Variants in STAB2 observed in about 807,000 individuals in gnomAD.
STAB2 encodes stabilin 2.
Under a neutral mutation model 338.1 loss-of-function variants are expected in STAB2, and 288 were observed. The ratio of observed to expected loss-of-function variants is 0.85; its 90% CI spans 0.77 to 0.94. The LOEUF (loss-of-function observed/expected upper bound fraction) is 0.94, where lower values mean the gene tolerates loss of function less well. Among genes scored for constraint, STAB2 ranks in the 40% least tolerant of loss-of-function variants. STAB2 has a pLI of 0.00. For missense variants in STAB2, 3,141 were observed against 3,210.1 expected (o/e 0.98, Z 0.52); for synonymous variants, 1,202 against 1,193.3 (o/e 1.01, Z -0.15).
chr12:103,647,262 C>T (rs772740652), intron 9 of STAB2, among the ~76,000 whole-genome samples: 23 of 152,184 alleles, frequency 1.5e-4, no homozygotes, highest in Middle Eastern at 3.4e-3. Context: ...AGGTCTGCAG[C>T]AAACTTGTTG....
At chr12:103,678,396 C>A (rs1371090545) in intron 25 of STAB2, among the ~76,000 whole-genome samples, 1 of 152,208 alleles carries the variant, frequency 6.6e-6, no homozygotes, top group East Asian at 1.9e-4. Context: ...GGTTCTCAGA[C>A]CTCTCATTTC....
At chr12:103,761,168 C>T (rs1015505399) in intron 65 of STAB2, 132 bp from the exon 66 acceptor site, 1 of 740,016 alleles carries the variant, frequency 1.4e-6, no homozygotes, top group African/African-American at 1.7e-5. Context: ...AGGAGAAGTC[C>T]TGGGCTGCCT....
chr12:103,594,587 C>G (rs1027273323), intron 3 of STAB2, 77 bp downstream of exon 3: 4 of 1,134,738 alleles, frequency 3.5e-6, no homozygotes, highest in Non-Finnish European at 5.3e-6. Context: ...TGAAGGAAGC[C>G]CAATAAAAAG....
intron 47 of STAB2, among the ~76,000 whole-genome samples, chr12:103,728,380 G>T (rs1287262531): frequency 2.6e-5 from 4 of 152,150 alleles, no homozygotes; most frequent in African/African-American, 9.7e-5. Flanking sequence ...AGAGTGCTGG[G>T]ATTACAGGCA....
In STAB2 at chr12:103,685,050, G is replaced by C. The variant is rs769347288; in HGVS notation, c.2963G>C (p.Gly988Ala). 4 of 1,614,028 alleles carry C rather than the reference G, an allele frequency of 2.5e-6. No homozygotes were observed. In the East Asian group the frequency reaches 6.7e-5, roughly 27 times the overall value. ...WSCVCQEGYE[G>A]DGFLCYGNAA... ...TGTGTTTGTCAAGAGGGCTATGAAG[G>C]AGATGGCTTTCTGTGCTATGGAAAC... The change falls in exon 27 of 69, where the codon GGA becomes GCA. Residue 988 changes from glycine to alanine, a missense_variant. Coordinates refer to ENST00000388887, the MANE Select transcript of STAB2 (RefSeq NM_017564.10).
chr12:103,719,295 C>T (rs749163086), intron 44 of STAB2, among the ~76,000 whole-genome samples: 50 of 152,272 alleles, frequency 3.3e-4, no homozygotes, highest in Non-Finnish European at 5.1e-4. Context: ...ATCATTCTTT[C>T]GTTTAATTTC....
chr12:103,663,602 C>A (rs986211824), intron 18 of STAB2, among the ~76,000 whole-genome samples: 1 of 152,170 alleles, frequency 6.6e-6, no homozygotes, highest in Non-Finnish European at 1.5e-5. Context: ...CTCATCTCGG[C>A]CTCCCAAAGT....
rs756366330 is a variant in STAB2 at position 103,590,877 on chromosome 12, T to G, written c.82-20T>G. 1 of 1,613,898 alleles carries G rather than the reference T, an allele frequency of 6.2e-7. No individual in the cohort carries two copies. The highest frequency in any genetic ancestry group is 8.5e-7 in the Non-Finnish European group (1 of 1,179,930). On this transcript the variant is annotated intron_variant, in intron 1 of 68. Coordinates refer to ENST00000388887, the MANE Select transcript of STAB2 (RefSeq NM_017564.10). ...CTCTGATAACAGGAATTAATGTTCT[T>G]TTTTTTAATATTTACACAGGCAAGA...
At chr12:103,651,509 T>C (rs1413188039) in intron 11 of STAB2, among the ~76,000 whole-genome samples, 1 of 152,086 alleles carries the variant, frequency 6.6e-6, no homozygotes, top group Non-Finnish European at 1.5e-5. Flanking sequence ...AGAAGGGGTT[T>C]CATCATGTTG....
chr12:103,744,753 A>G (rs981799904), intron 56 of STAB2, among the ~76,000 whole-genome samples: 1 of 152,192 alleles, frequency 6.6e-6, no homozygotes, highest in African/African-American at 2.4e-5. Flanking sequence ...GATTACAGAC[A>G]TGAGCCACCA....
chr12:103,622,422 G>A (rs1214912016), intron 5 of STAB2, among the ~76,000 whole-genome samples: 1 of 152,218 alleles, frequency 6.6e-6, no homozygotes, highest in Non-Finnish European at 1.5e-5. Context: ...CTTGGCATTT[G>A]CCTTATTTGA....
At chr12:103,751,902 C>T (rs527984952) in intron 60 of STAB2, among the ~76,000 whole-genome samples, 1 of 152,286 alleles carries the variant, frequency 6.6e-6, no homozygotes, top group South Asian at 2.1e-4. Context: ...TGTGTGGTTA[C>T]CATTAGCTTG....
Position 103,683,233 on chromosome 12 carries a change from G to A in STAB2, c.2834G>A (p.Arg945Gln), listed in dbSNP as rs915722635. Residue 945 changes from arginine (R) to glutamine (Q), a missense_variant, in exon 26 of 69, where the codon CGA (arginine) becomes CAA (glutamine). Transcript: ENST00000388887. ...QNECECKKGF[R>Q]GNGIDCEPIT... ...GAGTGTGAGTGCAAGAAAGGATTTCGAGGAAATGGGATTGACTGTGAACCA... is the reference window on the plus strand; with the variant it reads ...GAGTGTGAGTGCAAGAAAGGATTTCAAGGAAATGGGATTGACTGTGAACCA... The A allele has an allele frequency of 3.7e-6, 6 of 1,612,424 alleles. No homozygotes were observed. The highest frequency in any genetic ancestry group is 1.1e-5 in the South Asian group (1 of 90,794).
At chr12:103,609,361 A>C (rs939930142) in intron 3 of STAB2, among the ~76,000 whole-genome samples, 15 of 152,140 alleles carry the variant, frequency 9.9e-5, no homozygotes, top group African/African-American at 2.4e-4. Flanking sequence ...CTTTTATTTC[A>C]TTGAGCAGTG....
intron 57 of STAB2, among the ~76,000 whole-genome samples, 173 bp downstream of exon 57, chr12:103,745,450 T>C (rs1279650445): frequency 6.6e-6 from 1 of 152,208 alleles, no homozygotes; most frequent in Non-Finnish European, 1.5e-5. Context: ...GATGGAGACT[T>C]GCAGTAAAAC....
chr12:103,761,082 C>G (rs1884501259), intron 65 of STAB2, among the ~76,000 whole-genome samples: 1 of 152,152 alleles, frequency 6.6e-6, no homozygotes, highest in Non-Finnish European at 1.5e-5. Context: ...ACAAATGACC[C>G]ATAAGGTTCT....
chr12:103,760,674 T>C (rs1884469838), intron 65 of STAB2, among the ~76,000 whole-genome samples: 1 of 152,210 alleles, frequency 6.6e-6, no homozygotes, highest in South Asian at 2.1e-4. Context: ...ATAACCATGA[T>C]GTCGGATTCA....
At chr12:103,744,433 T>C (rs1261744929) in intron 56 of STAB2, among the ~76,000 whole-genome samples, 1 of 150,884 alleles carries the variant, frequency 6.6e-6, no homozygotes, top group African/African-American at 2.4e-5. Flanking sequence ...ATTACAGGCA[T>C]GATCCACTGC....
At chr12:103,677,070 G>T (rs1021248411) in intron 24 of STAB2, among the ~76,000 whole-genome samples, 1 of 152,100 alleles carries the variant, frequency 6.6e-6, no homozygotes, top group Admixed American at 6.5e-5. Context: ...GTGGAGTTTG[G>T]GTTGCCACAT....
Sources: gnomAD v4.1 joint callset for allele counts (sites outside exome capture counted in the v4.1 genomes callset) on GRCh38, gnomAD v4.1.1 for gene constraint, MANE v1.5 for transcripts, NCBI Gene and HGNC (gene_info 2026-07-23, HGNC 2026-07-21) for gene names.